Variants in ARHGAP8 observed in about 807,000 individuals in gnomAD.
ARHGAP8 encodes the protein Rho GTPase activating protein 8.
A neutral mutation model predicts 46.1 loss-of-function variants in ARHGAP8; 62 were observed. The ratio of observed to expected loss-of-function variants is 1.34; its 90% CI spans 1.10 to 1.66. ARHGAP8 has a LOEUF of 1.66. Ranked by LOEUF, ARHGAP8 falls within the 40% of genes most tolerant of loss-of-function variation. The pLI, the probability that ARHGAP8 is intolerant of heterozygous loss-of-function variation, is 0.00. For missense variants in ARHGAP8, 923 were observed against 568.4 expected (o/e 1.62, Z -6.34); for synonymous variants, 375 against 243.1 (o/e 1.54, Z -5.05).
Position 44,793,221 on chromosome 22 carries a change from T to A in ARHGAP8, c.79+6615T>A, listed in dbSNP as rs569151571. On this transcript the variant is annotated intron_variant, in intron 2 of 11. Transcript: ENST00000356099. ...AGAGTCTGAAGCTCTGGTCTGGGGC[T>A]GAGGCTGGGAGCTCAGAGTGGAGAT... Among the ~76,000 whole-genome samples, 119 of 152,248 alleles carry A rather than the reference T, an allele frequency of 7.8e-4. 1 individual carries two copies. The highest frequency in any genetic ancestry group is 4.4e-3 in the South Asian group (21 of 4,814).
chr22:44,824,006 C>T (rs545840289), intron 6 of ARHGAP8, among the ~76,000 whole-genome samples: 1 of 152,256 alleles, frequency 6.6e-6, no homozygotes, highest in African/African-American at 2.4e-5. Context: ...AGGACACGTC[C>T]AATGCTGATG....
At chr22:44,853,563 A>T (rs1434701460) in intron 10 of ARHGAP8, among the ~76,000 whole-genome samples, 3 of 152,232 alleles carry the variant, frequency 2.0e-5, no homozygotes, top group Non-Finnish European at 2.9e-5. Context: ...ATTCTCAGTT[A>T]CAAAATAAGT....
intron 8 of ARHGAP8, among the ~76,000 whole-genome samples, chr22:44,845,598 T>C (rs1056543501): frequency 6.6e-6 from 1 of 152,136 alleles, no homozygotes; most frequent in Admixed American, 6.5e-5. Context: ...TCCAGTGGGG[T>C]TAATAACAAA....
chr22:44,862,749 T>G lies in ARHGAP8; in HGVS notation c.*154T>G, dbSNP rs992246009. On this transcript the variant is annotated 3_prime_UTR_variant, in exon 12 of 12. Coordinates refer to ENST00000356099, the MANE Select transcript of ARHGAP8 (RefSeq NM_181335.3). ...CATGCCTCTGGTCCTTGGACTCTTGTCCATGGTTCCTGAGCTGTGGACCGG... is the reference window on the plus strand; with the variant it reads ...CATGCCTCTGGTCCTTGGACTCTTGGCCATGGTTCCTGAGCTGTGGACCGG... The G allele has an allele frequency of 6.5e-6, 6 of 924,986 alleles. No homozygotes were observed. The highest frequency in any genetic ancestry group is 1.6e-5 in the African/African-American group (1 of 60,614). The allele number at this position is 924,986 out of a possible 1,614,324, so 57.3% of individuals were successfully genotyped here.
At chr22:44,858,532 G>GTTTTTT (rs1569184837) in intron 10 of ARHGAP8, among the ~76,000 whole-genome samples, 1 of 12,690 alleles carries the variant, frequency 7.9e-5, no homozygotes. Context: ...ACCATACCCG[G>GTTTTTT]CTTTTTTTTT....
chr22:44,755,363 T>C (rs1924585761), intron 1 of ARHGAP8, among the ~76,000 whole-genome samples: 1 of 152,252 alleles, frequency 6.6e-6, no homozygotes, highest in South Asian at 2.1e-4. Context: ...GTGACTACCC[T>C]TCAAATCTAT....
In ARHGAP8 at chr22:44,800,100, CTT is replaced by C. The variant is rs769010356; in HGVS notation, c.80-1957_80-1956del. On this transcript the variant is annotated intron_variant, in intron 2 of 11. Coordinates refer to ENST00000356099, the MANE Select transcript of ARHGAP8 (RefSeq NM_181335.3). ...CCTCTCCTTCAGGAGTCTGTTCTGT[CTT>C]TTTTTTTTTTTTTTTTTTTGAGACA... 9.2e-3 allele frequency among the ~76,000 whole-genome samples: 850 copies of C among 92,486 alleles called. 6 individuals carry two copies. Among genetic ancestry groups the C allele is most frequent in the African/African-American group, 0.039 (781 of 20,016 alleles). The allele number at this position is 92,486 out of a possible 152,430, so 60.7% of individuals were successfully genotyped here.
Position 44,862,638 on chromosome 22 carries a change from G to T in ARHGAP8, c.*43G>T. 6.6e-7 allele frequency: 1 copy of T among 1,514,662 alleles called. No individual in the cohort carries two copies. The highest frequency in any genetic ancestry group is 8.9e-7 in the Non-Finnish European group (1 of 1,129,168). The allele number at this position is 1,514,662 out of a possible 1,614,324, so 93.8% of individuals were successfully genotyped here. On this transcript the variant is annotated 3_prime_UTR_variant, in exon 12 of 12. Coordinates refer to ENST00000356099, the MANE Select transcript of ARHGAP8 (RefSeq NM_181335.3). ...ATATTTCGAGCTACCTCCCACACCT[G>T]TCTGTGCACTTGTATGTTTTGTAAA...
rs553562889 is a variant in ARHGAP8 at position 44,780,661 on chromosome 22, CAAAAT to C, written c.-71-5784_-71-5780del. ...TGGGCAACGGAGCAAGACTCCATCT[CAAAAT>C]AAAATAAAATAGGTATTCAGTGAAA... On this transcript the variant is annotated intron_variant, in intron 1 of 11. Coordinates refer to ENST00000356099, the MANE Select transcript of ARHGAP8 (RefSeq NM_181335.3). 2.2e-3 allele frequency among the ~76,000 whole-genome samples: 333 copies of C among 152,308 alleles called. 1 individual carries two copies. The highest frequency in any genetic ancestry group is 7.7e-3 in the African/African-American group (322 of 41,570).
chr22:44,831,383 T>C (rs758298238), intron 7 of ARHGAP8, among the ~76,000 whole-genome samples: 1 of 152,284 alleles, frequency 6.6e-6, no homozygotes, highest in South Asian at 2.1e-4. Context: ...TGCGTGTTGT[T>C]ACAGCACCAC....
rs79078012 is a variant in ARHGAP8 at position 44,831,818 on chromosome 22, T to C, written c.596+6225T>C. Among the ~76,000 whole-genome samples, 902 of 152,356 alleles carry C rather than the reference T, an allele frequency of 5.9e-3. 7 individuals carry two copies. Among genetic ancestry groups the C allele is most frequent in the Non-Finnish European group, 6.8e-3 (463 of 68,036 alleles). On this transcript the variant is annotated intron_variant, in intron 7 of 11. Coordinates refer to ENST00000356099, the MANE Select transcript of ARHGAP8 (RefSeq NM_181335.3). ...TCTAATTCTTGCCTATTGGTCTATA[T>C]GTTTATCCTTATGCCAGTGCCACAC...
chr22:44,766,698 T>C (rs957835074), intron 1 of ARHGAP8, among the ~76,000 whole-genome samples: 4 of 152,184 alleles, frequency 2.6e-5, no homozygotes, highest in African/African-American at 9.7e-5. Flanking sequence ...TGCTGCCCTT[T>C]CTTCCTTCCT....
intron 5 of ARHGAP8, among the ~76,000 whole-genome samples, chr22:44,817,876 A>T (rs12170483): frequency 0.034 from 5,121 of 152,258 alleles, 128 homozygotes; most frequent in Admixed American, 0.06. Context: ...ACACTTTGGG[A>T]GGCCAAGGCA....
At position 44,849,071 on chromosome 22, in the gene ARHGAP8, G is replaced by C; in HGVS notation, c.877+11G>C. On this transcript the variant is annotated intron_variant, in intron 10 of 11. Coordinates refer to ENST00000356099, the MANE Select transcript of ARHGAP8 (RefSeq NM_181335.3). The stretch of plus-strand genomic sequence containing the variant: ...TTCTCGGGATCACCTGTGCGTAGCT[G>C]CCCTGGCGCAGGGGTGGGGGGCTTG... 1 of 1,613,618 alleles carries C rather than the reference G, an allele frequency of 6.2e-7. No individual in the cohort carries two copies. Among genetic ancestry groups the C allele is most frequent in the Middle Eastern group, 1.6e-4 (1 of 6,062 alleles).
In ARHGAP8 at chr22:44,825,519, G is replaced by A. The variant is rs1930445902; in HGVS notation, c.522G>A (p.Arg174=). 1 of 1,613,326 alleles carries A rather than the reference G, an allele frequency of 6.2e-7. No homozygotes were observed. Among genetic ancestry groups the A allele is most frequent in the East Asian group, 2.2e-5 (1 of 44,820 alleles). ...AGCTCCAGAGCCTGCACGAGGGCCGGACGCCGCCTCCCACCAAGACACCAC... is the reference window on the plus strand; with the variant it reads ...AGCTCCAGAGCCTGCACGAGGGCCGAACGCCGCCTCCCACCAAGACACCAC... The part of the protein sequence containing the change: ...DEKLQSLHEG[R]TPPPTKTPPP... Residue 174 remains arginine (R), a synonymous_variant, in exon 7 of 12, where the codon CGG becomes CGA. Transcript: ENST00000356099.
At chr22:44,846,654 T>TA (rs1311478418) in intron 8 of ARHGAP8, among the ~76,000 whole-genome samples, 2 of 152,034 alleles carry the variant, frequency 1.3e-5, no homozygotes, top group African/African-American at 4.8e-5. Flanking sequence ...CCGGAAGCCC[T>TA]CTCCAATTCT....
At chr22:44,809,566 G>T in intron 4 of ARHGAP8, 1 of 216,440 alleles carries the variant, frequency 4.6e-6, no homozygotes, top group South Asian at 6.5e-5. Flanking sequence ...ACTTACCCGT[G>T]GTCACTCAGC....
At chr22:44,792,115 C>T (rs529876468) in intron 2 of ARHGAP8, among the ~76,000 whole-genome samples, 1 of 151,842 alleles carries the variant, frequency 6.6e-6, no homozygotes, top group East Asian at 1.9e-4. Flanking sequence ...CAGGTTCAAG[C>T]GATTCTCTGC....
At chr22:44,859,449 A>C (rs377559527) in intron 10 of ARHGAP8, among the ~76,000 whole-genome samples, 1 of 152,188 alleles carries the variant, frequency 6.6e-6, no homozygotes, top group Non-Finnish European at 1.5e-5. Context: ...GCTTCTCCAG[A>C]AGCTGAACAG....
Sources: allele counts gnomAD v4.1 joint callset (sites outside exome capture counted in the v4.1 genomes callset), GRCh38; gene constraint gnomAD v4.1.1; transcripts MANE v1.5; gene names NCBI Gene and HGNC (gene_info 2026-07-23, HGNC 2026-07-21).